SLC4A10: variants seen among roughly 807,000 people sequenced by gnomAD.
The protein encoded by SLC4A10 is solute carrier family 4 member 10, also known as sodium-driven chloride bicarbonate exchanger.
In SLC4A10, 42 loss-of-function variants were observed where a neutral mutation model predicts 137.7. The observed-to-expected ratio is 0.30, with a 90% CI of 0.24 to 0.39. The LOEUF is 0.39. Among genes scored for constraint, SLC4A10 ranks in the 10% least tolerant of loss-of-function variants. The probability of loss-of-function intolerance (pLI) is 1.00; values close to 1 mark genes in which losing one functional copy is unlikely to be tolerated. For synonymous variants in SLC4A10, 474 were observed against 464.1 expected (o/e 1.02, Z -0.27); for missense variants, 925 against 1,355.0 (o/e 0.68, Z 4.98).
chr2:161,745,701 C>T (rs1469137531), intron 1 of SLC4A10, among the ~76,000 whole-genome samples: 3 of 152,044 alleles, frequency 2.0e-5, no homozygotes, highest in Non-Finnish European at 4.4e-5. Flanking sequence ...TGTTCCCTTT[C>T]TTTTTGAGAA....
At position 161,804,521 on chromosome 2, in the gene SLC4A10, G is replaced by A. The variant is rs759420527; in HGVS notation, c.203G>A (p.Arg68His). The A allele has an allele frequency of 4.2e-5, 67 of 1,612,966 alleles. No homozygotes were observed. In the Middle Eastern group the frequency reaches 4.9e-4, roughly 12 times the overall value. ...GRKSHRRHRH[R>H]GHKHRKRDRE... ...AAAAGCCATCGACGTCACAGGCATC[G>A]TGGTCATAAACACAGAAAGAGAGAC... The change falls in exon 3 of 27, where the codon CGT (arginine) becomes CAT (histidine). Residue 68 changes from arginine (R) to histidine (H), a missense_variant. Coordinates refer to ENST00000446997, the MANE Select transcript of SLC4A10 (RefSeq NM_001178015.2).
intron 1 of SLC4A10, among the ~76,000 whole-genome samples, chr2:161,695,978 A>ATG (rs1299320051): frequency 2.0e-5 from 3 of 152,046 alleles, no homozygotes; most frequent in Non-Finnish European, 4.4e-5. Flanking sequence ...TTTGTTACAT[A>ATG]TGTATACATG....
chr2:161,975,595 A>G (rs6711381), intron 24 of SLC4A10, among the ~76,000 whole-genome samples: 1,618 of 152,256 alleles, frequency 0.011, 24 homozygotes, highest in African/African-American at 0.036. Context: ...GAAGACCAAA[A>G]CAGCTGGAGG....
At chr2:161,675,664 A>G (rs996096495) in intron 1 of SLC4A10, among the ~76,000 whole-genome samples, 2 of 152,148 alleles carry the variant, frequency 1.3e-5, no homozygotes, top group Non-Finnish European at 2.9e-5. Flanking sequence ...TTAAAACCTT[A>G]AAGAATTATA....
At chr2:161,734,908 C>G (rs1449332449) in intron 1 of SLC4A10, among the ~76,000 whole-genome samples, 1 of 151,990 alleles carries the variant, frequency 6.6e-6, no homozygotes, top group Non-Finnish European at 1.5e-5. Context: ...ATACTCTTCT[C>G]ATGATAGTGA....
chr2:161,654,907 A>G (rs2037300250), intron 1 of SLC4A10, among the ~76,000 whole-genome samples: 2 of 152,090 alleles, frequency 1.3e-5, no homozygotes, highest in South Asian at 4.1e-4. Context: ...TCTATTTGTA[A>G]AAAAATGCCA....
chr2:161,673,292 T>G (rs1314830471), intron 1 of SLC4A10, among the ~76,000 whole-genome samples: 1 of 152,166 alleles, frequency 6.6e-6, no homozygotes, highest in Non-Finnish European at 1.5e-5. Context: ...TTGATTCCAG[T>G]TGATGATGGA....
intron 1 of SLC4A10, among the ~76,000 whole-genome samples, chr2:161,765,592 G>GT (rs1415128552): frequency 7.0e-6 from 1 of 143,046 alleles, no homozygotes; most frequent in Non-Finnish European, 1.5e-5. Context: ...TCCAGCCTGA[G>GT]TGACAGAGCA....
chr2:161,924,217 G>A lies in SLC4A10; in HGVS notation c.1997+18330G>A, dbSNP rs1189289633. 2.0e-5 allele frequency among the ~76,000 whole-genome samples: 3 copies of A among 151,556 alleles called. No homozygotes were observed. In the East Asian group the frequency reaches 5.8e-4, roughly 29 times the overall value. Reference sequence around the variant, plus strand: ...TAACTTTTTGTAGTTTTAGAAATAAGTTCACCAATACAGAGGAAGACAGGA... The same window carrying A: ...TAACTTTTTGTAGTTTTAGAAATAAATTCACCAATACAGAGGAAGACAGGA... On this transcript the variant is annotated intron_variant, in intron 15 of 26. Transcript: ENST00000446997.
intron 1 of SLC4A10, among the ~76,000 whole-genome samples, chr2:161,746,157 T>C (rs1414721458): frequency 6.6e-6 from 1 of 152,042 alleles, no homozygotes; most frequent in African/African-American, 2.4e-5. Context: ...CAGGACTGGC[T>C]CTTTCCTTTC....
chr2:161,932,304 AC>A (rs1690546754), intron 15 of SLC4A10, among the ~76,000 whole-genome samples: 1 of 152,190 alleles, frequency 6.6e-6, no homozygotes, highest in Non-Finnish European at 1.5e-5. Context: ...CACTGCCACT[AC>A]TGTAAAACCA....
intron 15 of SLC4A10, among the ~76,000 whole-genome samples, chr2:161,912,099 A>C (rs1450849210): frequency 6.6e-6 from 1 of 152,092 alleles, no homozygotes; most frequent in Non-Finnish European, 1.5e-5. Flanking sequence ...GCCTTTTTGA[A>C]CAGAATTTGT....
intron 15 of SLC4A10, among the ~76,000 whole-genome samples, chr2:161,929,572 G>A (rs1689939145): frequency 6.6e-6 from 1 of 152,114 alleles, no homozygotes; most frequent in South Asian, 2.1e-4. Context: ...CTATCAGGAT[G>A]CTCCCGATAG....
chr2:161,725,256 G>A lies in SLC4A10; in HGVS notation c.49-45717G>A, dbSNP rs73003492. 6.3e-3 allele frequency among the ~76,000 whole-genome samples: 954 copies of A among 152,250 alleles called. 7 individuals carry two copies. Among genetic ancestry groups the A allele is most frequent in the African/African-American group, 0.022 (907 of 41,566 alleles). On this transcript the variant is annotated intron_variant, in intron 1 of 26. Coordinates refer to ENST00000446997, the MANE Select transcript of SLC4A10 (RefSeq NM_001178015.2). Reference sequence around the variant, plus strand: ...TTGTAGTATGGCACATTGACTAGAAGCATTGACCTGTCTTCAAACTCTTTC... The same window carrying A: ...TTGTAGTATGGCACATTGACTAGAAACATTGACCTGTCTTCAAACTCTTTC...
At chr2:161,800,014 G>A (rs2055198000) in intron 2 of SLC4A10, among the ~76,000 whole-genome samples, 1 of 152,002 alleles carries the variant, frequency 6.6e-6, no homozygotes, top group Non-Finnish European at 1.5e-5. Flanking sequence ...AGAATGAGAA[G>A]GTCCTGGTTT....
At chr2:161,908,691 T>C (rs987070237) in intron 15 of SLC4A10, among the ~76,000 whole-genome samples, 1 of 150,320 alleles carries the variant, frequency 6.7e-6, no homozygotes, top group African/African-American at 2.5e-5. Context: ...GGTAAAGAAA[T>C]GGAGAAAGCT....
intron 1 of SLC4A10, among the ~76,000 whole-genome samples, chr2:161,691,351 G>A (rs2041981787): frequency 6.6e-6 from 1 of 150,938 alleles, no homozygotes; most frequent in African/African-American, 2.4e-5. Flanking sequence ...GGTGACGTTG[G>A]TTAATGGGTG....
intron 26 of SLC4A10, among the ~76,000 whole-genome samples, chr2:161,979,645 C>T (rs1391041948): frequency 3.9e-5 from 6 of 152,148 alleles, no homozygotes; most frequent in Non-Finnish European, 7.4e-5. Context: ...CTCCCAAAGC[C>T]ACTTCCTTTT....
intron 1 of SLC4A10, among the ~76,000 whole-genome samples, chr2:161,769,495 A>G (rs2051302524): frequency 1.3e-5 from 2 of 151,974 alleles, no homozygotes; most frequent in South Asian, 2.1e-4. Flanking sequence ...GGCAAGAACT[A>G]TATCCTCTTT....
Sources: gnomAD v4.1 joint callset for allele counts (sites outside exome capture counted in the v4.1 genomes callset) on GRCh38, gnomAD v4.1.1 for gene constraint, MANE v1.5 for transcripts, NCBI Gene and HGNC (gene_info 2026-07-23, HGNC 2026-07-21) for gene names.